Variants in STRA6 observed in about 807,000 individuals in gnomAD.
STRA6 encodes the protein signaling receptor and transporter of retinol STRA6, also known as receptor for retinol uptake STRA6.
Under a neutral mutation model 83.6 loss-of-function variants are expected in STRA6, and 48 were observed. The ratio of observed to expected loss-of-function variants is 0.57; its 90% CI spans 0.46 to 0.73. STRA6 has a LOEUF of 0.73. STRA6 is among the 30% of genes least tolerant of loss of function. STRA6 has a pLI of 0.00. For missense variants in STRA6, 760 were observed against 838.8 expected (o/e 0.91, Z 1.16); for synonymous variants, 353 against 362.3 (o/e 0.97, Z 0.29).
At chr15:74,205,545 A>G (rs142763423), upstream of STRA6, among the ~76,000 whole-genome samples, 2 of 152,326 alleles carry the variant, frequency 1.3e-5, no homozygotes, top group African/African-American at 4.8e-5. Context: ...ATACCCCGCA[A>G]TGACCCAAAC....
intron 1 of STRA6, 50 bp from the exon 2 acceptor site, chr15:74,202,332 G>A (rs1200126230): frequency 1.3e-6 from 2 of 1,583,096 alleles, no homozygotes; most frequent in South Asian, 2.3e-5. Context: ...TGTGAAAAGA[G>A]GCTTAAAAGA....
In STRA6 at chr15:74,201,314, T is replaced by G. The variant is rs892756810; in HGVS notation, c.113+841A>C. On this transcript the variant is annotated intron_variant, in intron 2 of 18. Coordinates refer to ENST00000395105, the MANE Select transcript of STRA6 (RefSeq NM_022369.4). The stretch of plus-strand genomic sequence containing the variant: ...ACATCTGGCTCGGCAACCCCCAGCC[T>G]CACCTTTCTACTTCTCCAAACCGTC... 2.0e-5 allele frequency among the ~76,000 whole-genome samples: 3 copies of G among 152,268 alleles called. No individual in the cohort carries two copies. The East Asian group carries it at 5.8e-4, about 29-fold the overall frequency.
chr15:74,183,534 G>A (rs572840930), intron 14 of STRA6: 1 of 1,205,232 alleles, frequency 8.3e-7, no homozygotes. Context: ...GTGAGCCACT[G>A]AGCCCAGCCA....
intron 12 of STRA6, among the ~76,000 whole-genome samples, chr15:74,187,948 G>A (rs772187646): frequency 1.4e-4 from 22 of 152,184 alleles, no homozygotes; most frequent in Non-Finnish European, 2.6e-4. Context: ...TCTGAGGTTG[G>A]TTGTGGGCTG....
upstream of STRA6, chr15:74,209,039 C>T (rs891794702): frequency 1.0e-5 from 12 of 1,160,672 alleles, no homozygotes; most frequent in Non-Finnish European, 1.3e-5. Context: ...CTGCTCCTCC[C>T]GGAAGGCAGC....
chr15:74,185,131 G>T, intron 12 of STRA6, 76 bp from the exon 13 acceptor site: 1 of 1,469,112 alleles, frequency 6.8e-7, no homozygotes, highest in South Asian at 1.2e-5. Flanking sequence ...CCCCTGCCAG[G>T]GTGGTGCCTT....
intron 14 of STRA6, among the ~76,000 whole-genome samples, chr15:74,183,030 G>T (rs1039729732): frequency 2.0e-5 from 3 of 152,208 alleles, no homozygotes; most frequent in African/African-American, 4.8e-5. Context: ...GAACTGGAGG[G>T]AGAGATACAA....
chr15:74,192,550 C>T (rs1437111010), intron 8 of STRA6, among the ~76,000 whole-genome samples: 2 of 152,096 alleles, frequency 1.3e-5, no homozygotes, highest in Non-Finnish European at 2.9e-5. Context: ...CGGTCCCAGC[C>T]CCTCTGCTGA....
At chr15:74,183,804 T>A in intron 14 of STRA6, 52 bp downstream of exon 14, 1 of 1,613,014 alleles carries the variant, frequency 6.2e-7, no homozygotes, top group East Asian at 2.2e-5. Flanking sequence ...GAGGCCAGTG[T>A]CTGAGGGGAG....
chr15:74,199,114 G>A (rs949107297), intron 2 of STRA6, among the ~76,000 whole-genome samples: 2 of 152,206 alleles, frequency 1.3e-5, no homozygotes. Flanking sequence ...ATGGAGCCTG[G>A]GCTGCCGCCA....
chr15:74,207,354 A>G (rs1438747458), upstream of STRA6, among the ~76,000 whole-genome samples: 2 of 152,126 alleles, frequency 1.3e-5, no homozygotes, highest in Non-Finnish European at 2.9e-5. Flanking sequence ...GTAATGCCAT[A>G]AGAAGCCCTG....
intron 2 of STRA6, among the ~76,000 whole-genome samples, chr15:74,201,300 G>A (rs1045846061): frequency 6.6e-5 from 10 of 152,118 alleles, no homozygotes; most frequent in East Asian, 1.9e-4. Context: ...CATCTGGCTC[G>A]GCAACCCCCA....
At chr15:74,201,056 C>T (rs998465561) in intron 2 of STRA6, among the ~76,000 whole-genome samples, 2 of 152,154 alleles carry the variant, frequency 1.3e-5, no homozygotes, top group African/African-American at 4.8e-5. Flanking sequence ...CACAGGCTCT[C>T]GGTCAGTCAG....
In STRA6 at chr15:74,195,658, G is replaced by A. The variant is rs1432500342; in HGVS notation, c.424C>T (p.Pro142Ser). 6.8e-7 allele frequency: 1 copy of A among 1,475,472 alleles called. No homozygotes were observed. The highest frequency in any genetic ancestry group is 2.5e-5 in the East Asian group (1 of 40,534). 91.4% of individuals were successfully genotyped at this position (1,475,472 alleles called of 1,614,324 possible). A position where few individuals can be genotyped will look rare whatever the true frequency, so the allele number is the denominator to read the frequency against. ...APSQDGKTEA[P>S]RGAWKILGLF... is the part of the protein sequence containing the mutation. ...GTGATCTTGGGCAAGTTACCTCTTG[G>A]AGCCTCAGTTTTCCCATCTGTAAAA... Residue 142 changes from proline (P) to serine (S), a missense_variant, in exon 6 of 19, where the codon CCA (proline) becomes TCA (serine). Physicochemically the swap from Pro to Ser is moderately conservative, Grantham distance 74. Coordinates refer to ENST00000395105, the MANE Select transcript of STRA6 (RefSeq NM_022369.4).
At chr15:74,189,332 C>A (rs989945246) in intron 11 of STRA6, 55 bp from the exon 12 acceptor site, 37 of 1,550,678 alleles carry the variant, frequency 2.4e-5, no homozygotes, top group Non-Finnish European at 3.0e-5. Flanking sequence ...TCTGTGCTAA[C>A]AGGGGAGACG....
chr15:74,210,038 G>A (rs2074346211), upstream of STRA6, among the ~76,000 whole-genome samples: 1 of 152,164 alleles, frequency 6.6e-6, no homozygotes, highest in African/African-American at 2.4e-5. Context: ...CTGCCCAGGA[G>A]AGGCAGGGAG....
rs375985218 is a variant in STRA6, at chr15:74,191,137, C to A, written c.865+30G>T. 4 of 1,612,008 alleles carry A rather than the reference C, an allele frequency of 2.5e-6. No individual in the cohort carries two copies. The African/African-American group carries it at 5.3e-5, about 22-fold the overall frequency. On this transcript the variant is annotated intron_variant, in intron 10 of 18. Transcript: ENST00000395105. ...TGCAAGGGAGGGTAACGTCCCCTGT[C>A]ACGCTCGGCCTCAGCTCCCAACCCC... is the stretch of plus-strand genomic sequence containing the variant.
At chr15:74,211,828 C>CCTTTCCTTCTGTCTCTCTCTA (rs989455910), upstream of STRA6, among the ~76,000 whole-genome samples, 1 of 152,110 alleles carries the variant, frequency 6.6e-6, no homozygotes, top group Non-Finnish European at 1.5e-5. Flanking sequence ...CAGTCTCCCT[C>CCTTTCCTTCTGTCTCTCTCTA]CTTTCCTTCT....
upstream of STRA6, among the ~76,000 whole-genome samples, chr15:74,209,194 C>A (rs188340576): frequency 1.2e-4 from 18 of 152,282 alleles, no homozygotes; most frequent in African/African-American, 4.1e-4. Context: ...ACACACAGGG[C>A]GGCTTGTCTC....
Sources: allele counts gnomAD v4.1 joint callset (sites outside exome capture counted in the v4.1 genomes callset), GRCh38; gene constraint gnomAD v4.1.1; transcripts MANE v1.5; gene names NCBI Gene and HGNC (gene_info 2026-07-23, HGNC 2026-07-21).